The following LTBP1 variants were observed in gnomAD, a reference collection of about 807,000 sequenced individuals.
The protein encoded by LTBP1 is latent-transforming growth factor beta-binding protein 1.
LTBP1 carries 129 observed loss-of-function variants against 207.6 expected under a neutral mutation model. That is an observed-to-expected ratio of 0.62 (90% CI 0.54 to 0.72). The LOEUF (loss-of-function observed/expected upper bound fraction) is 0.72, where lower values mean the gene tolerates loss of function less well. Among genes scored for constraint, LTBP1 ranks in the 30% least tolerant of loss-of-function variants. The pLI, the probability that LTBP1 is intolerant of heterozygous loss-of-function variation, is 0.00. For missense variants in LTBP1, 2,281 were observed against 2,217.2 expected (o/e 1.03, Z -0.58); for synonymous variants, 963 against 833.7 (o/e 1.16, Z -2.67).
At chr2:33,289,780 AT>A (rs565091669) in intron 19 of LTBP1, among the ~76,000 whole-genome samples, 68 of 152,324 alleles carry the variant, frequency 4.5e-4, no homozygotes, top group Admixed American at 3.1e-3. Context: ...TAATATGAAC[AT>A]TCTGTAAGAC....
At chr2:33,316,493 A>G (rs1377389209) in intron 24 of LTBP1, among the ~76,000 whole-genome samples, 3 of 152,222 alleles carry the variant, frequency 2.0e-5, no homozygotes, top group Non-Finnish European at 4.4e-5. Context: ...AAGATTGTTG[A>G]AATTACTCTC....
intron 3 of LTBP1, among the ~76,000 whole-genome samples, chr2:33,038,500 A>G (rs2076031842): frequency 6.6e-6 from 1 of 152,146 alleles, no homozygotes; most frequent in South Asian, 2.1e-4. Context: ...CCCTGGATTC[A>G]TGCTCTCTGG....
chr2:33,149,262 G>A (rs975629856), intron 5 of LTBP1, among the ~76,000 whole-genome samples: 23 of 148,744 alleles, frequency 1.5e-4, no homozygotes, highest in African/African-American at 5.2e-4. Flanking sequence ...AAAAGAGAGG[G>A]AGCTCCCATG....
chr2:33,300,640 T>C (rs2093972140), intron 21 of LTBP1, 67 bp downstream of exon 21: 1 of 1,519,506 alleles, frequency 6.6e-7, no homozygotes, highest in Non-Finnish European at 8.9e-7. Flanking sequence ...AAAGGTACGC[T>C]CAATCAAGTG....
chr2:32,974,425 T>C (rs1384103572), intron 2 of LTBP1, among the ~76,000 whole-genome samples: 2 of 152,196 alleles, frequency 1.3e-5, no homozygotes, highest in Non-Finnish European at 2.9e-5. Flanking sequence ...CCATTTTCGA[T>C]GGGATTATTA....
At chr2:33,279,660 T>C (rs919370563) in intron 18 of LTBP1, among the ~76,000 whole-genome samples, 2 of 152,206 alleles carry the variant, frequency 1.3e-5, no homozygotes, top group African/African-American at 4.8e-5. Flanking sequence ...GCTGGGTGGA[T>C]ACATAGCTTC....
rs147747384 is a variant in LTBP1 at position 33,365,430 on chromosome 2, G to T, written c.4638G>T (p.Thr1546=). 1 of 1,614,162 alleles carries T rather than the reference G, an allele frequency of 6.2e-7. No homozygotes were observed. Among genetic ancestry groups the T allele is most frequent in the Non-Finnish European group, 8.5e-7 (1 of 1,180,026 alleles). Reference sequence around the variant, plus strand: ...GGCCTCTTGTGGGCAAGCAGACAACGTACACTGAGTGCTGCTGTCTGTATG... The same window carrying T: ...GGCCTCTTGTGGGCAAGCAGACAACTTACACTGAGTGCTGCTGTCTGTATG... ...CSRPLVGKQT[T]YTECCCLYGE... is the part of the protein sequence containing the mutation. The change falls in exon 31 of 34, where the codon ACG becomes ACT. Residue 1546 remains threonine (T), a synonymous_variant. Transcript: ENST00000404816.
chr2:33,323,363 G>A (rs1007578974), intron 24 of LTBP1, among the ~76,000 whole-genome samples: 1 of 152,128 alleles, frequency 6.6e-6, no homozygotes, highest in Non-Finnish European at 1.5e-5. Flanking sequence ...TCGACTAGGC[G>A]CGGTAGCTCA....
chr2:33,375,789 G>C (rs1420520762), intron 31 of LTBP1, among the ~76,000 whole-genome samples: 1 of 149,082 alleles, frequency 6.7e-6, no homozygotes, highest in African/African-American at 2.5e-5. Flanking sequence ...TGATCTGCCC[G>C]CCTCGGCCTC....
chr2:32,989,319 G>T (rs1183492869), intron 2 of LTBP1, among the ~76,000 whole-genome samples: 3 of 152,166 alleles, frequency 2.0e-5, no homozygotes, highest in African/African-American at 7.2e-5. Flanking sequence ...TTTATCCATA[G>T]GGCAATAACC....
In LTBP1 at chr2:33,068,541, C is replaced by T. The variant is rs919235505; in HGVS notation, c.864-42041C>T. Among the ~76,000 whole-genome samples, 6 of 152,284 alleles carry T rather than the reference C, an allele frequency of 3.9e-5. No individual in the cohort carries two copies. The South Asian group carries it at 1.0e-3, about 26-fold the overall frequency. On this transcript the variant is annotated intron_variant, in intron 3 of 33. Coordinates refer to ENST00000404816, the MANE Select transcript of LTBP1 (RefSeq NM_206943.4). ...GAATAATGGCATGTATCTGCCATTA[C>T]AGCATCCTACAGAGTATTTTCACTG...
chr2:32,981,847 G>A (rs1241969668), intron 2 of LTBP1, among the ~76,000 whole-genome samples: 2 of 152,132 alleles, frequency 1.3e-5, no homozygotes, highest in African/African-American at 4.8e-5. Context: ...ACGTGCTTTT[G>A]CTCCTCCTTT....
At chr2:32,999,150 C>T (rs961675634) in intron 2 of LTBP1, among the ~76,000 whole-genome samples, 1 of 152,172 alleles carries the variant, frequency 6.6e-6, no homozygotes, top group African/African-American at 2.4e-5. Flanking sequence ...GAGCTGTGGA[C>T]CAGCATCATC....
chr2:32,977,603 C>G (rs1682013834), intron 2 of LTBP1, among the ~76,000 whole-genome samples: 1 of 152,302 alleles, frequency 6.6e-6, no homozygotes, highest in Non-Finnish European at 1.5e-5. Context: ...AGGTGGCTCT[C>G]TGCTTCAGTT....
At chr2:33,397,103 C>T in intron 32 of LTBP1, 30 bp from the exon 33 acceptor site, 6 of 1,604,112 alleles carry the variant, frequency 3.7e-6, no homozygotes, top group Non-Finnish European at 5.1e-6. Flanking sequence ...TTGAGAAGCT[C>T]TAACTTAGCT....
At chr2:33,344,878 A>G (rs2094681143) in intron 25 of LTBP1, among the ~76,000 whole-genome samples, 2 of 152,184 alleles carry the variant, frequency 1.3e-5, no homozygotes, top group Admixed American at 6.5e-5. Flanking sequence ...AAACCATGTC[A>G]GCTATCTGGA....
In LTBP1 at chr2:33,280,108, A is replaced by T. The variant is rs149445442; in HGVS notation, c.3062A>T (p.Gln1021Leu). The T allele has an allele frequency of 7.4e-4, 1,192 of 1,614,016 alleles. 1 individual carries two copies. The highest frequency in any genetic ancestry group is 9.5e-4 in the Non-Finnish European group (1,117 of 1,179,972). Residue 1021 changes from glutamine to leucine, a missense_variant, in exon 19 of 34, where the codon CAG becomes CTG. Physicochemically the swap from Gln to Leu is moderately radical, Grantham distance 113. This residue lies in a region of LTBP1 where 1,671 missense variants were observed against 1,634.8 expected (regional missense o/e 1.02). Transcript: ENST00000404816. Reference sequence around the variant, plus strand: ...TGTGTGAATTCTCCTGGATCTTACCAGTGCGTTCCCTGCACAGAAGGATTC... The same window carrying T: ...TGTGTGAATTCTCCTGGATCTTACCTGTGCGTTCCCTGCACAGAAGGATTC... ...EQCVNSPGSY[Q>L]CVPCTEGFRG...
intron 5 of LTBP1, among the ~76,000 whole-genome samples, chr2:33,151,381 G>T (rs1266910489): frequency 1.3e-5 from 2 of 152,014 alleles, no homozygotes; most frequent in African/African-American, 2.4e-5. Flanking sequence ...GTGTGTGAGG[G>T]TTCCATTTTC....
intron 24 of LTBP1, among the ~76,000 whole-genome samples, chr2:33,333,337 G>T (rs2094518552): frequency 6.6e-6 from 1 of 151,914 alleles, no homozygotes; most frequent in African/African-American, 2.4e-5. Flanking sequence ...TAAGTACAGT[G>T]TTTCTGTTTT....
Sources: gnomAD v4.1 joint callset for allele counts (sites outside exome capture counted in the v4.1 genomes callset) on GRCh38, gnomAD v4.1.1 for gene constraint, gnomAD v4.1.1 regional missense constraint, MANE v1.5 for transcripts, NCBI Gene and HGNC (gene_info 2026-07-23, HGNC 2026-07-21) for gene names.